The following TRPM3 variants were observed in gnomAD, a reference collection of about 807,000 sequenced individuals.
TRPM3 encodes long transient receptor potential channel 3.
A neutral mutation model predicts 181.2 loss-of-function variants in TRPM3; 77 were observed. The ratio of observed to expected loss-of-function variants is 0.42; its 90% confidence interval spans 0.35 to 0.51. The LOEUF is 0.51. Ranked by LOEUF, TRPM3 falls within the 20% of genes least tolerant of loss-of-function variation. TRPM3 has a pLI of 0.01. For synonymous variants in TRPM3, 745 were observed against 796.4 expected (o/e 0.94, Z 1.09); for missense variants, 1,759 against 2,196.7 (o/e 0.80, Z 3.98).
intron 21 of TRPM3, among the ~76,000 whole-genome samples, chr9:70,594,408 G>T (rs557273840): frequency 6.6e-6 from 1 of 152,260 alleles, no homozygotes; most frequent in Non-Finnish European, 1.5e-5. Context: ...ATTAAACACA[G>T]ATATGAAAAC....
At chr9:70,945,516 G>C (rs1222602818) in intron 1 of TRPM3, among the ~76,000 whole-genome samples, 1 of 152,126 alleles carries the variant, frequency 6.6e-6, no homozygotes, top group Non-Finnish European at 1.5e-5. Flanking sequence ...TCATGTTCAT[G>C]TAAACTAGTG....
chr9:70,660,538 C>T (rs2060980314), intron 9 of TRPM3, among the ~76,000 whole-genome samples: 2 of 152,006 alleles, frequency 1.3e-5, no homozygotes, highest in African/African-American at 4.8e-5. Flanking sequence ...CTGACCATAA[C>T]TCCTCAGAAC....
intron 1 of TRPM3, among the ~76,000 whole-genome samples, chr9:71,187,285 T>C (rs2077734749): frequency 1.3e-5 from 2 of 151,990 alleles, no homozygotes; most frequent in Non-Finnish European, 2.9e-5. Context: ...CTACATAGTT[T>C]GATCCAACTG....
At chr9:70,909,024 C>T (rs1421150427) in intron 1 of TRPM3, among the ~76,000 whole-genome samples, 1 of 152,158 alleles carries the variant, frequency 6.6e-6, no homozygotes, top group African/African-American at 2.4e-5. Context: ...AATAAAGCAT[C>T]TTTATTTCTT....
At chr9:70,598,127 C>A (rs1024947208) in intron 21 of TRPM3, among the ~76,000 whole-genome samples, 1 of 152,126 alleles carries the variant, frequency 6.6e-6, no homozygotes, top group Admixed American at 6.5e-5. Context: ...ATTTTAATCT[C>A]ATGGAAAGAA....
At chr9:71,386,314 C>T (rs959699943) in intron 1 of TRPM3, among the ~76,000 whole-genome samples, 6 of 151,530 alleles carry the variant, frequency 4.0e-5, no homozygotes, top group Non-Finnish European at 5.9e-5. Context: ...CCCGGTGTGG[C>T]GGTGCACGCG....
chr9:70,935,140 A>G (rs2096815644), intron 1 of TRPM3, among the ~76,000 whole-genome samples: 1 of 152,198 alleles, frequency 6.6e-6, no homozygotes, highest in Non-Finnish European at 1.5e-5. Flanking sequence ...ACCCAGTGGA[A>G]ACAGTCCTTT....
At chr9:71,352,887 C>T (rs748358189) in intron 1 of TRPM3, among the ~76,000 whole-genome samples, 9 of 152,248 alleles carry the variant, frequency 5.9e-5, no homozygotes, top group Admixed American at 6.5e-5. Context: ...GCTTCCAACA[C>T]GATTCGAAAC....
In TRPM3 at chr9:70,803,194, AGCATCCTT is replaced by A. The variant is rs1363926506; in HGVS notation, c.974-18923_974-18916del. Among the ~76,000 whole-genome samples the A allele has an allele frequency of 1.3e-4, 20 of 152,164 alleles. No individual in the cohort carries two copies. In the South Asian group the frequency reaches 3.7e-3, roughly 28 times the overall value. On this transcript the variant is annotated intron_variant, in intron 6 of 25. Transcript: ENST00000677713. ...GGATGGGGGGCAAGAAGGGACTCGC[AGCATCCTT>A]GCATCCTTGACAGTCAGTCCCCAGG...
intron 1 of TRPM3, among the ~76,000 whole-genome samples, chr9:71,368,029 T>TATGAGTATGTGTACACACACACAC (rs2092396200): frequency 4.6e-5 from 7 of 151,978 alleles, no homozygotes; most frequent in African/African-American, 1.7e-4. Flanking sequence ...CACACACACA[T>TATGAGTATGTGTACACACACACAC]ATGAGTATGT....
intron 1 of TRPM3, among the ~76,000 whole-genome samples, chr9:70,994,382 C>A (rs1487859352): frequency 6.6e-6 from 1 of 152,166 alleles, no homozygotes. Flanking sequence ...AACTCCAAAG[C>A]CTATGATCTT....
chr9:71,384,403 A>C (rs2092879429), intron 1 of TRPM3, among the ~76,000 whole-genome samples: 1 of 152,216 alleles, frequency 6.6e-6, no homozygotes, highest in African/African-American at 2.4e-5. Flanking sequence ...CATAATAGAA[A>C]AGATATTAAT....
rs531122946 is a variant in TRPM3 at position 71,318,120 on chromosome 9, A to G, written c.183+128533T>C. Among the ~76,000 whole-genome samples, 134 of 152,286 alleles carry G rather than the reference A, an allele frequency of 8.8e-4. 3 individuals carry two copies. In the South Asian group the frequency reaches 0.011, roughly 13 times the overall value. On this transcript the variant is annotated intron_variant, in intron 1 of 24. Transcript: ENST00000357533. ...AACAAAAAAATACAGTGGGGAAAAAAATAAAGCTTTGTAAGTAATATCTAT... is the reference window on the plus strand; with the variant it reads ...AACAAAAAAATACAGTGGGGAAAAAGATAAAGCTTTGTAAGTAATATCTAT...
At chr9:70,684,679 A>C (rs552312120) in intron 8 of TRPM3, among the ~76,000 whole-genome samples, 1 of 152,330 alleles carries the variant, frequency 6.6e-6, no homozygotes, top group East Asian at 1.9e-4. Flanking sequence ...GGTATTCTTA[A>C]ATATTCTTGG....
chr9:71,195,614 T>A, intron 1 of TRPM3, among the ~76,000 whole-genome samples: 1 of 152,022 alleles, frequency 6.6e-6, no homozygotes, highest in East Asian at 1.9e-4. Flanking sequence ...TGGGTATGTA[T>A]CCAAAGGAAT....
At chr9:70,907,257 T>A (rs2096480133) in intron 1 of TRPM3, among the ~76,000 whole-genome samples, 1 of 152,212 alleles carries the variant, frequency 6.6e-6, no homozygotes, top group Non-Finnish European at 1.5e-5. Flanking sequence ...CCCATGTGCA[T>A]GTTGCATGTT....
chr9:71,351,463 T>G (rs936249701), intron 1 of TRPM3, among the ~76,000 whole-genome samples: 1 of 152,260 alleles, frequency 6.6e-6, no homozygotes, highest in Non-Finnish European at 1.5e-5. Flanking sequence ...AAAAACTGAA[T>G]GATCGAAACT....
intron 22 of TRPM3, among the ~76,000 whole-genome samples, chr9:70,562,230 A>G (rs1257645415): frequency 7.2e-5 from 11 of 152,360 alleles, no homozygotes; most frequent in Non-Finnish European, 1.5e-5. Context: ...GGATTAGATT[A>G]TCTCTAAACT....
intron 1 of TRPM3, among the ~76,000 whole-genome samples, chr9:71,197,645 G>A (rs899735069): frequency 2.6e-5 from 4 of 152,112 alleles, no homozygotes; most frequent in Non-Finnish European, 5.9e-5. Context: ...TTTTTCATGT[G>A]TCTTTTGGCT....
Sources: allele counts gnomAD v4.1 joint callset (sites outside exome capture counted in the v4.1 genomes callset), GRCh38; gene constraint gnomAD v4.1.1; transcripts MANE v1.5; gene names NCBI Gene and HGNC (gene_info 2026-07-23, HGNC 2026-07-21).